Variants in CCDC38 observed in about 807,000 individuals in gnomAD.
CCDC38 encodes coiled-coil domain-containing protein 38.
A neutral mutation model predicts 72.8 loss-of-function variants in CCDC38; 69 were observed. That is an observed-to-expected ratio of 0.95 (90% CI 0.78 to 1.16). The LOEUF is 1.16. Ranked by LOEUF, CCDC38 falls within the 50% of genes most tolerant of loss-of-function variation. The pLI, the probability that CCDC38 is intolerant of heterozygous loss-of-function variation, is 0.00. For missense variants in CCDC38, 626 were observed against 638.9 expected (o/e 0.98, Z 0.22); for synonymous variants, 201 against 213.2 (o/e 0.94, Z 0.50).
At chr12:95,924,416 T>C (rs1236436430) in intron 2 of CCDC38, among the ~76,000 whole-genome samples, 2 of 137,742 alleles carry the variant, frequency 1.5e-5, no homozygotes, top group East Asian at 2.8e-4. Flanking sequence ...TTTGGTTGAG[T>C]TCATTGTAGA....
chr12:95,897,620 A>G (rs994789768), intron 7 of CCDC38, among the ~76,000 whole-genome samples: 1 of 151,746 alleles, frequency 6.6e-6, no homozygotes, highest in African/African-American at 2.4e-5. Flanking sequence ...CAAAAAAAAA[A>G]AAAAAAAAAA....
At chr12:95,880,863 A>G (rs1472294771) in intron 11 of CCDC38, among the ~76,000 whole-genome samples, 1 of 152,198 alleles carries the variant, frequency 6.6e-6, no homozygotes, top group African/African-American at 2.4e-5. Context: ...GGAGTTGTTT[A>G]ATGAGTATAG....
rs79806980 is a variant in CCDC38 at position 95,915,051 on chromosome 12, T to C, written c.304+2078A>G. 6.5e-3 allele frequency among the ~76,000 whole-genome samples: 983 copies of C among 152,312 alleles called. 8 individuals are homozygous for C. Among genetic ancestry groups the C allele is most frequent in the African/African-American group, 0.022 (912 of 41,566 alleles). ...CAGCCAAATTGAAAATAAACTTCAA[T>C]ATCCAAAAAAATCCTGTGCTGTCAA... is the stretch of plus-strand genomic sequence containing the variant. On this transcript the variant is annotated intron_variant, in intron 4 of 15. Coordinates refer to ENST00000344280, the MANE Select transcript of CCDC38 (RefSeq NM_182496.3).
chr12:95,882,307 T>C (rs994828199), intron 10 of CCDC38, among the ~76,000 whole-genome samples: 1 of 151,674 alleles, frequency 6.6e-6, no homozygotes, highest in Non-Finnish European at 1.5e-5. Context: ...TATGGAAGAA[T>C]GAAATCATGG....
chr12:95,916,230 A>G (rs1283983772), intron 4 of CCDC38, among the ~76,000 whole-genome samples: 1 of 152,136 alleles, frequency 6.6e-6, no homozygotes, highest in Non-Finnish European at 1.5e-5. Context: ...TCTTCTGAAT[A>G]AGTTAACATG....
intron 5 of CCDC38, 127 bp from the exon 6 acceptor site, chr12:95,898,858 A>G: frequency 2.1e-6 from 2 of 932,326 alleles, no homozygotes; most frequent in Admixed American, 2.8e-5. Context: ...GGAGCAATGG[A>G]CTTTATTTCT....
At chr12:95,923,647 T>G (rs2080234023) in intron 2 of CCDC38, among the ~76,000 whole-genome samples, 1 of 152,038 alleles carries the variant, frequency 6.6e-6, no homozygotes, top group South Asian at 2.1e-4. Context: ...ACCCACTAAC[T>G]CGTCATCTAG....
intron 15 of CCDC38, among the ~76,000 whole-genome samples, chr12:95,868,514 C>T (rs1420321075): frequency 6.6e-6 from 1 of 152,000 alleles, no homozygotes; most frequent in African/African-American, 2.4e-5. Flanking sequence ...TTGAAGTAAT[C>T]GTTTTTTTGT....
intron 2 of CCDC38, among the ~76,000 whole-genome samples, chr12:95,929,034 A>T (rs1318001346): frequency 6.6e-6 from 1 of 152,178 alleles, no homozygotes. Context: ...CTACAGAGGC[A>T]GGCAGGCCTC....
chr12:95,879,332 C>T lies in CCDC38; in HGVS notation c.1142+312G>A, dbSNP rs995359097. On this transcript the variant is annotated intron_variant, in intron 12 of 15. Coordinates refer to ENST00000344280, the MANE Select transcript of CCDC38 (RefSeq NM_182496.3). This position sits in a 1 kb window ranked among gnomAD's most constrained non-coding sequence, Gnocchi z 5.5. Reference sequence around the variant, plus strand: ...AATGACAGCTAGCCAAGTGATAGGGCGAAAACTATACCGGACAAAAGTTAA... The same window carrying T: ...AATGACAGCTAGCCAAGTGATAGGGTGAAAACTATACCGGACAAAAGTTAA... Among the ~76,000 whole-genome samples the T allele has an allele frequency of 3.3e-5, 5 of 152,126 alleles. No homozygotes were observed. The highest frequency in any genetic ancestry group is 9.7e-5 in the African/African-American group (4 of 41,398).
chr12:95,922,633 G>A (rs1269676629), intron 2 of CCDC38, among the ~76,000 whole-genome samples: 1 of 152,230 alleles, frequency 6.6e-6, no homozygotes, highest in Non-Finnish European at 1.5e-5. Flanking sequence ...TATTTGGCAA[G>A]AGCAAGAGGA....
At position 95,879,859 on chromosome 12, in the gene CCDC38, T is replaced by G; in HGVS notation, c.991-64A>C. 4.0e-6 allele frequency: 5 copies of G among 1,265,820 alleles called. No individual in the cohort carries two copies. Among genetic ancestry groups the G allele is most frequent in the Non-Finnish European group, 3.3e-6 (3 of 907,602 alleles). 78.4% of individuals were successfully genotyped at this position (1,265,820 alleles called of 1,614,324 possible). ...ATATGCTACCTATGCACATGTGACTTATCTAGAAAATACAGTGGGGTAAAG... is the reference window on the plus strand; with the variant it reads ...ATATGCTACCTATGCACATGTGACTGATCTAGAAAATACAGTGGGGTAAAG... On this transcript the variant is annotated intron_variant, in intron 11 of 15. Coordinates refer to ENST00000344280, the MANE Select transcript of CCDC38 (RefSeq NM_182496.3). This position sits in a 1 kb window ranked among gnomAD's most constrained non-coding sequence, Gnocchi z 5.5.
At chr12:95,911,894 T>G (rs1184818937) in intron 4 of CCDC38, among the ~76,000 whole-genome samples, 1 of 152,202 alleles carries the variant, frequency 6.6e-6, no homozygotes, top group Non-Finnish European at 1.5e-5. Flanking sequence ...TAAATTGTTC[T>G]GTCAAAAAGA....
intron 15 of CCDC38, among the ~76,000 whole-genome samples, chr12:95,868,471 T>C (rs1381544437): frequency 6.6e-6 from 1 of 152,206 alleles, no homozygotes; most frequent in East Asian, 1.9e-4. Context: ...AAATACCTTT[T>C]TTAAGATGAA....
chr12:95,907,802 G>C (rs574041951), intron 4 of CCDC38, among the ~76,000 whole-genome samples: 1 of 151,170 alleles, frequency 6.6e-6, no homozygotes, highest in Non-Finnish European at 1.5e-5. Context: ...CATCCCGGAC[G>C]GGGCGACAGG....
intron 5 of CCDC38, chr12:95,903,503 A>G (rs1434530048): frequency 1.4e-6 from 1 of 698,514 alleles, no homozygotes; most frequent in Admixed American, 2.0e-5. Context: ...TTACCATTAG[A>G]TATGTAATGT....
At chr12:95,883,973 C>T (rs1228369192) in intron 10 of CCDC38, among the ~76,000 whole-genome samples, 1 of 152,138 alleles carries the variant, frequency 6.6e-6, no homozygotes, top group Non-Finnish European at 1.5e-5. Flanking sequence ...CTACAAAAAT[C>T]CTCCAGCTAA....
intron 5 of CCDC38, among the ~76,000 whole-genome samples, chr12:95,900,141 C>A (rs2079935572): frequency 6.6e-6 from 1 of 152,086 alleles, no homozygotes; most frequent in Non-Finnish European, 1.5e-5. Context: ...GAAGAGCCTC[C>A]AGTGCATCAG....
At chr12:95,890,214 C>T (rs929200198) in intron 9 of CCDC38, among the ~76,000 whole-genome samples, 1 of 152,160 alleles carries the variant, frequency 6.6e-6, no homozygotes, top group African/African-American at 2.4e-5. Context: ...GCCTGGCCTA[C>T]ATGTGCTGAT....
Sources: gnomAD v4.1 joint callset for allele counts (sites outside exome capture counted in the v4.1 genomes callset) on GRCh38, gnomAD v4.1.1 for gene constraint, Gnocchi (gnomAD v3.1) non-coding constraint, MANE v1.5 for transcripts, NCBI Gene and HGNC (gene_info 2026-07-23, HGNC 2026-07-21) for gene names.